Variants in GPC6 observed in about 807,000 individuals in gnomAD.
GPC6 encodes the protein glypican 6, also known as glypican-6.
Under a neutral mutation model 55.2 loss-of-function variants are expected in GPC6, and 14 were observed. That is an observed-to-expected ratio of 0.25 (90% CI 0.17 to 0.40). The LOEUF (loss-of-function observed/expected upper bound fraction) is 0.40. Among genes scored for constraint, GPC6 ranks in the 10% least tolerant of loss-of-function variants. The pLI is 1.00. For missense variants in GPC6, 641 were observed against 708.5 expected, an observed-to-expected ratio of 0.90 and a Z score of 1.08; for synonymous variants, 278 against 259.6, an observed-to-expected ratio of 1.07 and a Z score of -0.68.
chr13:93,887,662 G>T (rs1875424533), intron 3 of GPC6, among the ~76,000 whole-genome samples: 1 of 152,072 alleles, frequency 6.6e-6, no homozygotes, highest in African/African-American at 2.4e-5. Flanking sequence ...TAACAAAAGA[G>T]CCTCTGTGGG....
intron 2 of GPC6, among the ~76,000 whole-genome samples, chr13:93,810,220 C>T (rs573248329): frequency 5.9e-5 from 9 of 152,292 alleles, no homozygotes; most frequent in African/African-American, 2.2e-4. Context: ...GAAACAGCTT[C>T]AGACGATTTG....
intron 3 of GPC6, among the ~76,000 whole-genome samples, chr13:94,003,144 GGT>G (rs1248844999): frequency 6.6e-6 from 1 of 152,086 alleles, no homozygotes; most frequent in African/African-American, 2.4e-5. Flanking sequence ...ACAAGTCTCA[GGT>G]AGGAGCGTGG....
At chr13:93,605,597 G>A (rs1251078926) in intron 2 of GPC6, among the ~76,000 whole-genome samples, 2 of 151,874 alleles carry the variant, frequency 1.3e-5, no homozygotes, top group Admixed American at 1.3e-4. Flanking sequence ...AGCACTTTGG[G>A]ACGCCAAGGC....
intron 5 of GPC6, among the ~76,000 whole-genome samples, chr13:94,303,573 G>A (rs1441202369): frequency 6.6e-6 from 1 of 152,128 alleles, no homozygotes; most frequent in African/African-American, 2.4e-5. Flanking sequence ...AGATTGTTAT[G>A]TAGGTCTCCA....
intron 3 of GPC6, among the ~76,000 whole-genome samples, chr13:93,904,294 A>G (rs934155710): frequency 1.3e-5 from 2 of 152,178 alleles, no homozygotes; most frequent in Non-Finnish European, 2.9e-5. Context: ...AGCCTTACAA[A>G]TCGCAACTGC....
intron 4 of GPC6, among the ~76,000 whole-genome samples, chr13:94,066,001 G>A (rs1300307804): frequency 6.6e-6 from 1 of 152,280 alleles, no homozygotes; most frequent in Non-Finnish European, 1.5e-5. Context: ...GTCTTTTGAA[G>A]CATAGTTCCC....
At chr13:94,292,697 C>T (rs1875055582) in intron 5 of GPC6, among the ~76,000 whole-genome samples, 1 of 152,000 alleles carries the variant, frequency 6.6e-6, no homozygotes, top group Non-Finnish European at 1.5e-5. Context: ...ATCTCTTTCC[C>T]CAAACTCTCA....
chr13:93,749,742 C>T (rs1323460341), intron 2 of GPC6, among the ~76,000 whole-genome samples: 1 of 151,930 alleles, frequency 6.6e-6, no homozygotes, highest in Admixed American at 6.6e-5. Flanking sequence ...ACTGATATTA[C>T]CCCCAAAAAG....
intron 2 of GPC6, among the ~76,000 whole-genome samples, chr13:93,635,032 A>G (rs907273480): frequency 6.6e-6 from 1 of 152,118 alleles, no homozygotes; most frequent in Non-Finnish European, 1.5e-5. Flanking sequence ...TTATCCCATA[A>G]TCACTAATAA....
intron 2 of GPC6, among the ~76,000 whole-genome samples, chr13:93,722,577 A>G: frequency 6.6e-6 from 1 of 151,956 alleles, no homozygotes; most frequent in Non-Finnish European, 1.5e-5. Flanking sequence ...TTTTATTTCA[A>G]ATATCAAAGA....
At chr13:94,178,003 A>G (rs539032781) in intron 4 of GPC6, among the ~76,000 whole-genome samples, 1 of 144,674 alleles carries the variant, frequency 6.9e-6, no homozygotes, top group East Asian at 2.0e-4. Context: ...AGCATGTATC[A>G]TTCTTTTTCA....
intron 4 of GPC6, among the ~76,000 whole-genome samples, chr13:94,162,267 G>T (rs9805554): frequency 0.18 from 26,656 of 152,076 alleles, 3,092 homozygotes; most frequent in African/African-American, 0.33. Flanking sequence ...CTGCTTTGTA[G>T]GAGGTGGTCT....
intron 2 of GPC6, among the ~76,000 whole-genome samples, chr13:93,798,785 G>A (rs888597349): frequency 6.6e-6 from 1 of 151,858 alleles, no homozygotes; most frequent in Non-Finnish European, 1.5e-5. Context: ...AGGGCATGGT[G>A]GTGTGTGCCT....
intron 2 of GPC6, among the ~76,000 whole-genome samples, chr13:93,573,848 A>G (rs1876529776): frequency 6.6e-6 from 1 of 152,152 alleles, no homozygotes; most frequent in Non-Finnish European, 1.5e-5. Flanking sequence ...TTCTCTGCTC[A>G]TCCATTTCTA....
intron 8 of GPC6, among the ~76,000 whole-genome samples, chr13:94,401,350 G>A (rs761971659): frequency 4.6e-5 from 7 of 152,142 alleles, no homozygotes; most frequent in Non-Finnish European, 1.0e-4. Context: ...CCTCCAAGCG[G>A]TGAAAAGTAC....
chr13:93,792,088 G>T (rs115655807), intron 2 of GPC6, among the ~76,000 whole-genome samples: 1 of 152,138 alleles, frequency 6.6e-6, no homozygotes, highest in Non-Finnish European at 1.5e-5. Flanking sequence ...TTAGCCATTA[G>T]AAAAATTAAC....
At chr13:93,244,614 C>T (rs1876537425) in intron 1 of GPC6, among the ~76,000 whole-genome samples, 1 of 152,186 alleles carries the variant, frequency 6.6e-6, no homozygotes. Context: ...CCCACTGCTC[C>T]CCAAATCAGC....
At chr13:94,329,032 G>A (rs921686530) in intron 6 of GPC6, among the ~76,000 whole-genome samples, 5 of 152,180 alleles carry the variant, frequency 3.3e-5, no homozygotes, top group Admixed American at 2.0e-4. Context: ...AGAACCCCGG[G>A]GGGGGCTGAA....
chr13:94,206,009 A>G (rs1234450074), intron 4 of GPC6, among the ~76,000 whole-genome samples: 2 of 152,066 alleles, frequency 1.3e-5, no homozygotes, highest in Non-Finnish European at 2.9e-5. Context: ...CAAAACCTCC[A>G]AAGCAAAGGA....
Sources: allele counts gnomAD v4.1 joint callset (sites outside exome capture counted in the v4.1 genomes callset), GRCh38; gene constraint gnomAD v4.1.1; transcripts MANE v1.5; gene names NCBI Gene and HGNC (gene_info 2026-07-23, HGNC 2026-07-21).